CACNA1A: variants seen among roughly 807,000 people sequenced by gnomAD.
CACNA1A encodes calcium voltage-gated channel subunit alpha1 A.
A neutral mutation model predicts 262.4 loss-of-function variants in CACNA1A; 57 were observed. The ratio of observed to expected loss-of-function variants is 0.22; its 90% CI spans 0.18 to 0.27. CACNA1A has a LOEUF of 0.27. Among genes scored for constraint, CACNA1A ranks in the 10% least tolerant of loss-of-function variants. The pLI, the probability that CACNA1A is intolerant of heterozygous loss-of-function variation, is 1.00. For missense variants in CACNA1A, 2,526 were observed against 3,562.8 expected (o/e 0.71, Z 7.41); for synonymous variants, 1,431 against 1,419.3 (o/e 1.01, Z -0.18).
At chr19:13,223,603 G>T (rs755749985) in intron 38 of CACNA1A, among the ~76,000 whole-genome samples, 1 of 152,206 alleles carries the variant, frequency 6.6e-6, no homozygotes, top group African/African-American at 2.4e-5. Flanking sequence ...CTGTTCAAAT[G>T]TGAGTTGGGT....
At chr19:13,477,628 C>T (rs1005788846) in intron 1 of CACNA1A, among the ~76,000 whole-genome samples, 6 of 152,190 alleles carry the variant, frequency 3.9e-5, no homozygotes, top group Admixed American at 3.9e-4. Flanking sequence ...ATGGACCAGG[C>T]AGTGTTCTAA....
intron 29 of CACNA1A, among the ~76,000 whole-genome samples, 155 bp from the exon 30 acceptor site, chr19:13,253,256 C>T (rs1009370166): frequency 2.6e-5 from 4 of 151,752 alleles, no homozygotes; most frequent in Non-Finnish European, 5.9e-5. Flanking sequence ...AGGAAAGCCC[C>T]GCTCTCCGCC....
chr19:13,319,970 G>T (rs2145064606), intron 10 of CACNA1A, among the ~76,000 whole-genome samples: 1 of 152,162 alleles, frequency 6.6e-6, no homozygotes, highest in Non-Finnish European at 1.5e-5. Context: ...TCATGGGGCA[G>T]GGGCACATTC....
At chr19:13,221,218 T>TTTTCTTTTCTTTCTTTCTTTCTTTCTTTC (rs1555734399) in intron 38 of CACNA1A, among the ~76,000 whole-genome samples, 3 of 25,650 alleles carry the variant, frequency 1.2e-4, no homozygotes, top group Non-Finnish European at 2.0e-4. Flanking sequence ...TTGTTTTTTC[T>TTTTCTTTTCTTTCTTTCTTTCTTTCTTTC]TTTCTTTCTT....
At chr19:13,385,295 T>A (rs2059591976) in intron 3 of CACNA1A, among the ~76,000 whole-genome samples, 1 of 150,352 alleles carries the variant, frequency 6.7e-6, no homozygotes. Flanking sequence ...AGTGGCACGA[T>A]CTCGGCTTAT....
chr19:13,489,257 G>T (rs1306533244), intron 1 of CACNA1A, among the ~76,000 whole-genome samples: 2 of 151,770 alleles, frequency 1.3e-5, no homozygotes, highest in Admixed American at 1.3e-4. Flanking sequence ...TGATCTGCCC[G>T]CCTCGGCCTC....
chr19:13,231,388 A>C (rs1006083701), intron 35 of CACNA1A, among the ~76,000 whole-genome samples: 2 of 149,714 alleles, frequency 1.3e-5, no homozygotes, highest in East Asian at 2.0e-4. Context: ...CCCTGGGGGC[A>C]CCTGGCAATG....
intron 24 of CACNA1A, among the ~76,000 whole-genome samples, chr19:13,265,566 A>G (rs1361103756): frequency 6.6e-6 from 1 of 152,196 alleles, no homozygotes; most frequent in East Asian, 1.9e-4. Context: ...AGTGTGAGAC[A>G]CACGTTGGAC....
intron 2 of CACNA1A, among the ~76,000 whole-genome samples, chr19:13,454,543 T>C (rs2060972273): frequency 6.6e-6 from 1 of 152,068 alleles, no homozygotes; most frequent in African/African-American, 2.4e-5. Flanking sequence ...GCTAATTTTG[T>C]ATTTTTTTAG....
chr19:13,266,847 T>A (rs534219932), intron 24 of CACNA1A, among the ~76,000 whole-genome samples: 1 of 152,176 alleles, frequency 6.6e-6, no homozygotes, highest in Non-Finnish European at 1.5e-5. Flanking sequence ...AATGCTGGGA[T>A]TAGAGGCGTG....
rs776574979 is a variant in CACNA1A, at chr19:13,212,655, G to T, written c.6026C>A (p.Thr2009Asn). ...CAGGGCTCCTCCTGGGTCCAGCTGG[G>T]TGGAGGGGAGGGCGTTCTGGCCAGG... Reference protein sequence around the residue: ...GGPGQNALPSTQLDPGGALMA... With the variant: ...GGPGQNALPSNQLDPGGALMA... Residue 2009 changes from threonine to asparagine, a missense_variant, in exon 41 of 47, where the codon ACC becomes AAC. Around this residue, in one of 17 missense-constraint regions of CACNA1A, gnomAD observed 929 missense variants for 868.1 expected, o/e 1.07. Coordinates refer to ENST00000360228, the MANE Select transcript of CACNA1A (RefSeq NM_001127222.2). The surrounding 1 kb of genome is among the most constrained non-coding windows in gnomAD (Gnocchi z 5.6). 3.3e-6 allele frequency: 5 copies of T among 1,516,036 alleles called. No individual in the cohort carries two copies. Among genetic ancestry groups the T allele is most frequent in the Non-Finnish European group, 4.4e-6 (5 of 1,130,726 alleles). The allele number at this position is 1,516,036 out of a possible 1,614,324, so 93.9% of individuals were successfully genotyped here. A position where few individuals can be genotyped will look rare whatever the true frequency, so the allele number is the denominator to read the frequency against.
intron 3 of CACNA1A, among the ~76,000 whole-genome samples, chr19:13,396,517 T>C (rs1300508775): frequency 1.3e-5 from 2 of 152,234 alleles, no homozygotes; most frequent in African/African-American, 4.8e-5. Context: ...TCCAATATGG[T>C]AGCCAAGAGC....
intron 3 of CACNA1A, among the ~76,000 whole-genome samples, chr19:13,410,995 C>T (rs1361664202): frequency 2.0e-5 from 3 of 152,140 alleles, no homozygotes; most frequent in Non-Finnish European, 4.4e-5. Flanking sequence ...TATTCAGTTC[C>T]TTAAATAGCC....
chr19:13,250,483 G>A (rs973712558), intron 30 of CACNA1A, among the ~76,000 whole-genome samples: 5 of 152,050 alleles, frequency 3.3e-5, no homozygotes, highest in Middle Eastern at 6.8e-3. Flanking sequence ...TGCAACCTCC[G>A]CCTCCCACGT....
At position 13,255,092 on chromosome 19, in the gene CACNA1A, T is replaced by C; in HGVS notation, c.4755+3A>G. The C allele has an allele frequency of 6.2e-7, 1 of 1,613,758 alleles. No individual in the cohort carries two copies. Among genetic ancestry groups the C allele is most frequent in the Non-Finnish European group, 8.5e-7 (1 of 1,179,772 alleles). On this transcript the variant is annotated splice_donor_region_variant and intron_variant, in intron 29 of 46. Coordinates refer to ENST00000360228, the MANE Select transcript of CACNA1A (RefSeq NM_001127222.2). ...GTGCTGGGGGCTGGTGTGGGGCACTTACCTTCATCATAAGCACGATGGTGT... is the reference window on the plus strand; with the variant it reads ...GTGCTGGGGGCTGGTGTGGGGCACTCACCTTCATCATAAGCACGATGGTGT...
chr19:13,245,471 G>A, intron 30 of CACNA1A: 1 of 573,784 alleles, frequency 1.7e-6, no homozygotes. Context: ...GCCTTCCCAT[G>A]ATTGGCCTGG....
intron 3 of CACNA1A, among the ~76,000 whole-genome samples, chr19:13,431,685 C>A (rs1599439358): frequency 6.6e-6 from 1 of 152,090 alleles, no homozygotes; most frequent in African/African-American, 2.4e-5. Flanking sequence ...CAATGAAGTA[C>A]TATTCAGTCT....
At chr19:13,413,234 G>T (rs947207134) in intron 3 of CACNA1A, among the ~76,000 whole-genome samples, 1 of 151,686 alleles carries the variant, frequency 6.6e-6, no homozygotes, top group African/African-American at 2.4e-5. Context: ...AGCCTCCCGA[G>T]TAGCTGGGAC....
intron 24 of CACNA1A, chr19:13,272,483 G>A (rs2144817515): frequency 6.6e-6 from 1 of 152,538 alleles, no homozygotes; most frequent in Non-Finnish European, 1.5e-5. Flanking sequence ...GGGGGGCCAA[G>A]TCCCTGTTGC....
Sources: gnomAD v4.1 joint callset for allele counts (sites outside exome capture counted in the v4.1 genomes callset) on GRCh38, gnomAD v4.1.1 for gene constraint, gnomAD v4.1.1 regional missense constraint, Gnocchi (gnomAD v3.1) non-coding constraint, MANE v1.5 for transcripts, NCBI Gene and HGNC (gene_info 2026-07-23, HGNC 2026-07-21) for gene names.